The following RREB1 variants were observed in gnomAD, a reference collection of about 807,000 sequenced individuals.
The protein encoded by RREB1 is ras-responsive element-binding protein 1.
In RREB1, 27 loss-of-function variants were observed where a neutral mutation model predicts 117.8. The ratio of observed to expected loss-of-function variants is 0.23; its 90% CI spans 0.17 to 0.32. The LOEUF is 0.32. Among genes scored for constraint, RREB1 ranks in the 10% least tolerant of loss-of-function variants. RREB1 has a pLI of 1.00. For missense variants in RREB1, 2,577 were observed against 2,378.2 expected (o/e 1.08, Z -1.74); for synonymous variants, 1,298 against 1,026.7 (o/e 1.26, Z -5.05).
At chr6:7,247,881 C>T (rs1290548855) in intron 12 of RREB1, among the ~76,000 whole-genome samples, 2 of 152,202 alleles carry the variant, frequency 1.3e-5, no homozygotes, top group African/African-American at 4.8e-5. Flanking sequence ...TAACCTGTCC[C>T]TCCTCTCAGC....
chr6:7,155,963 A>G (rs1581463113), intron 1 of RREB1, among the ~76,000 whole-genome samples: 1 of 152,194 alleles, frequency 6.6e-6, no homozygotes, highest in Non-Finnish European at 1.5e-5. Flanking sequence ...CTTTAACTCT[A>G]GGTAGAAGAT....
intron 1 of RREB1, among the ~76,000 whole-genome samples, chr6:7,169,670 A>G (rs1764119449): frequency 6.6e-6 from 1 of 152,168 alleles, no homozygotes; most frequent in Admixed American, 6.5e-5. Context: ...CTCCCTGGAG[A>G]AGAGCTACAA....
chr6:7,247,746 G>A (rs1375747248), intron 12 of RREB1, among the ~76,000 whole-genome samples: 1 of 152,198 alleles, frequency 6.6e-6, no homozygotes, highest in East Asian at 1.9e-4. Flanking sequence ...CCTTCACACC[G>A]TTCTAGAGTT....
chr6:7,158,386 A>G lies in RREB1; in HGVS notation c.-284-18269A>G, dbSNP rs3851533. Among the ~76,000 whole-genome samples, 1,377 of 152,090 alleles carry G rather than the reference A, an allele frequency of 9.1e-3. 16 individuals are homozygous for G. Among genetic ancestry groups the G allele is most frequent in the African/African-American group, 0.032 (1,326 of 41,476 alleles). On this transcript the variant is annotated intron_variant, in intron 1 of 12. Coordinates refer to ENST00000379938, the MANE Select transcript of RREB1 (RefSeq NM_001003699.4). ...AAACAGGTTTTCTTAAAACTCTTAC[A>G]TCACTTTTCTCAGCCTACACCCCCT...
At chr6:7,240,396 AG>A (rs762100302) in intron 10 of RREB1, 41 bp from the exon 11 acceptor site, 2 of 1,543,746 alleles carry the variant, frequency 1.3e-6, no homozygotes, top group Non-Finnish European at 1.8e-6. Context: ...ATTTCATTGC[AG>A]TAGAAAGCCA....
chr6:7,207,787 G>T (rs1038569996), intron 6 of RREB1, among the ~76,000 whole-genome samples: 4 of 152,196 alleles, frequency 2.6e-5, no homozygotes, highest in Non-Finnish European at 5.9e-5. Context: ...TTACAGAAAC[G>T]CAGTAGTCCT....
At chr6:7,235,734 C>G (rs1438365850) in intron 10 of RREB1, among the ~76,000 whole-genome samples, 2 of 152,202 alleles carry the variant, frequency 1.3e-5, no homozygotes, top group African/African-American at 2.4e-5. Flanking sequence ...CCTACCCCCT[C>G]AGCAGATTAC....
At chr6:7,151,048 A>G (rs1318736534) in intron 1 of RREB1, among the ~76,000 whole-genome samples, 1 of 152,100 alleles carries the variant, frequency 6.6e-6, no homozygotes, top group Non-Finnish European at 1.5e-5. Context: ...GAACATGGAG[A>G]AGGAGGGAAG....
chr6:7,248,868 C>A lies in RREB1; in HGVS notation c.5129C>A (p.Ala1710Glu). 1 of 1,597,196 alleles carries A rather than the reference C, an allele frequency of 6.3e-7. No individual in the cohort carries two copies. Among genetic ancestry groups the A allele is most frequent in the South Asian group, 1.1e-5 (1 of 89,012 alleles). The change falls in exon 13 of 13, where the codon GCG (alanine) becomes GAG (glutamate). Residue 1710 changes from alanine to glutamate, a missense_variant. Ala to Glu is a moderately radical substitution (Grantham distance 107). Transcript: ENST00000379938. Reference sequence around the variant, plus strand: ...GGTGACCTTAACCCAGAGAGCCCGGCGGCCCTGGGGCAGGACCTGCTGGAG... The same window carrying A: ...GGTGACCTTAACCCAGAGAGCCCGGAGGCCCTGGGGCAGGACCTGCTGGAG... ...GQGDLNPESP[A>E]ALGQDLLEPR...
chr6:7,187,408 T>C, intron 4 of RREB1, 26 bp from the exon 5 acceptor site: 1 of 1,417,010 alleles, frequency 7.1e-7, no homozygotes, highest in Non-Finnish European at 9.9e-7. Context: ...TTGAAATTTA[T>C]CTTCCCTTTT....
At chr6:7,164,145 A>C (rs1371698872) in intron 1 of RREB1, among the ~76,000 whole-genome samples, 1 of 152,226 alleles carries the variant, frequency 6.6e-6, no homozygotes, top group South Asian at 2.1e-4. Flanking sequence ...CTCATAAAAA[A>C]AAAGATCCTA....
intron 1 of RREB1, among the ~76,000 whole-genome samples, chr6:7,148,668 A>C (rs534684316): frequency 6.6e-6 from 1 of 152,294 alleles, no homozygotes; most frequent in South Asian, 2.1e-4. Flanking sequence ...GCTATGCTTA[A>C]GGAAACAGGG....
intron 4 of RREB1, among the ~76,000 whole-genome samples, 186 bp downstream of exon 4, chr6:7,182,268 G>C (rs1764848500): frequency 6.6e-6 from 1 of 152,198 alleles, no homozygotes. Flanking sequence ...TCATGGAGAA[G>C]GTTTTCTTTG....
intron 1 of RREB1, among the ~76,000 whole-genome samples, chr6:7,160,512 A>G (rs2113460562): frequency 6.6e-6 from 1 of 152,064 alleles, no homozygotes; most frequent in East Asian, 1.9e-4. Context: ...ATGTTTTCAC[A>G]CATTGACTTT....
chr6:7,158,050 G>T (rs961158339), intron 1 of RREB1, among the ~76,000 whole-genome samples: 1 of 152,086 alleles, frequency 6.6e-6, no homozygotes. Context: ...TTCATCCCAC[G>T]TGCATTCTTC....
intron 6 of RREB1, among the ~76,000 whole-genome samples, chr6:7,205,720 T>C (rs1476749910): frequency 6.6e-6 from 1 of 152,222 alleles, no homozygotes; most frequent in Non-Finnish European, 1.5e-5. Flanking sequence ...CCTGGAGTTA[T>C]TGACCAGCCT....
At chr6:7,238,823 C>T (rs1233254601) in intron 10 of RREB1, among the ~76,000 whole-genome samples, 1 of 152,164 alleles carries the variant, frequency 6.6e-6, no homozygotes, top group East Asian at 1.9e-4. Context: ...TTAAAAGCGC[C>T]TGAGGAGATT....
At chr6:7,240,229 A>G (rs1290311252) in intron 10 of RREB1, among the ~76,000 whole-genome samples, 1 of 150,758 alleles carries the variant, frequency 6.6e-6, no homozygotes, top group Admixed American at 6.6e-5. Flanking sequence ...GAGGACAAAA[A>G]TTCATATTCC....
At chr6:7,115,424 CAG>C (rs1761353388) in intron 1 of RREB1, among the ~76,000 whole-genome samples, 1 of 135,646 alleles carries the variant, frequency 7.4e-6, no homozygotes, top group African/African-American at 2.8e-5. Context: ...AACAGGGAGA[CAG>C]AGATCGAATT....
Sources: allele counts gnomAD v4.1 joint callset (sites outside exome capture counted in the v4.1 genomes callset), GRCh38; gene constraint gnomAD v4.1.1; transcripts MANE v1.5; gene names NCBI Gene and HGNC (gene_info 2026-07-23, HGNC 2026-07-21).